The following CELF1 variants were observed in gnomAD, a reference collection of about 807,000 sequenced individuals.
The protein encoded by CELF1 is CUGBP Elav-like family member 1.
CELF1 carries 10 observed loss-of-function variants against 61.8 expected under a neutral mutation model. That is an observed-to-expected ratio of 0.16 (90% confidence interval 0.10 to 0.27). The LOEUF (loss-of-function observed/expected upper bound fraction) is 0.27, where lower values mean the gene tolerates loss of function less well. Among genes scored for constraint, CELF1 ranks in the 10% least tolerant of loss-of-function variants. The probability of loss-of-function intolerance (pLI) is 1.00; values close to 1 mark genes in which losing one functional copy is unlikely to be tolerated. For missense variants in CELF1, 380 were observed against 639.1 expected (o/e 0.59, Z 4.37); for synonymous variants, 236 against 225.1 (o/e 1.05, Z -0.43).
Position 47,484,572 on chromosome 11 carries a change from A to C in CELF1, c.392-49T>G, listed in dbSNP as rs2085457801. 3 of 1,555,104 alleles carry C rather than the reference A, an allele frequency of 1.9e-6. No homozygotes were observed. The African/African-American group carries it at 4.2e-5, about 22-fold the overall frequency. ...CTTGAATATTACTACTTAAAGAGGC[A>C]ATGTGGCACAGATTTGGGAGCCAGA... is the stretch of plus-strand genomic sequence containing the variant. On this transcript the variant is annotated intron_variant, in intron 6 of 14. Transcript: ENST00000687097.
intron 2 of CELF1, among the ~76,000 whole-genome samples, chr11:47,564,171 C>CAAAAAAAAAAAAAA (rs779009192): frequency 3.7e-4 from 23 of 62,888 alleles, no homozygotes; most frequent in East Asian, 5.0e-4. Flanking sequence ...ACTAAAAATA[C>CAAAAAAAAAAAAAA]AAAAAAAAAA....
chr11:47,523,131 GACAC>G (rs1037133606), intron 1 of CELF1: 8 of 152,066 alleles, frequency 5.3e-5, no homozygotes, highest in Non-Finnish European at 7.4e-5. Context: ...TTTCAAAATG[GACAC>G]ACTGGAAAAA....
At chr11:47,494,028 A>G (rs1292974842) in intron 3 of CELF1, among the ~76,000 whole-genome samples, 1 of 152,204 alleles carries the variant, frequency 6.6e-6, no homozygotes, top group Admixed American at 6.5e-5. Context: ...TCCCCATTCA[A>G]TGGAGAGTTA....
At chr11:47,488,288 G>A (rs888235442) in intron 4 of CELF1, among the ~76,000 whole-genome samples, 8 of 152,150 alleles carry the variant, frequency 5.3e-5, no homozygotes, top group African/African-American at 1.4e-4. Flanking sequence ...AAGCAGCTCC[G>A]CCTTTCCTCT....
chr11:47,475,317 G>T lies in CELF1; in HGVS notation c.1273+19C>A, dbSNP rs559645704. On this transcript the variant is annotated intron_variant, in intron 13 of 14. Transcript: ENST00000687097. ...AAAACCGCCCCCCATACCTGACCCCGATCTCCCTTTGCACTCACCTTCCTT... is the reference window on the plus strand; with the variant it reads ...AAAACCGCCCCCCATACCTGACCCCTATCTCCCTTTGCACTCACCTTCCTT... 30 of 1,611,672 alleles carry T rather than the reference G, an allele frequency of 1.9e-5. No individual in the cohort carries two copies. Among genetic ancestry groups the T allele is most frequent in the South Asian group, 1.1e-4 (10 of 90,856 alleles).
In CELF1 at chr11:47,489,054, T is replaced by C. The variant is rs370732256; in HGVS notation, c.72-30A>G. On this transcript the variant is annotated intron_variant, in intron 3 of 14. Transcript: ENST00000687097. ...GTGAGATAAAATGAAACTTCTATTA[T>C]GTAATAATGTTGCTTTCCAGAGGAA... The C allele has an allele frequency of 3.6e-5, 53 of 1,461,704 alleles. No individual in the cohort carries two copies. In the African/African-American group the frequency reaches 4.4e-4, roughly 12 times the overall value. 90.5% of individuals were successfully genotyped at this position (1,461,704 alleles called of 1,614,324 possible).
At chr11:47,536,599 T>TA (rs541975327) in intron 1 of CELF1, among the ~76,000 whole-genome samples, 4 of 151,744 alleles carry the variant, frequency 2.6e-5, no homozygotes, top group Admixed American at 2.0e-4. Flanking sequence ...CCGTCACTAC[T>TA]AAAAAAAATA....
intron 13 of CELF1, among the ~76,000 whole-genome samples, chr11:47,473,719 G>A (rs983456046): frequency 6.6e-6 from 1 of 152,194 alleles, no homozygotes; most frequent in African/African-American, 2.4e-5. Context: ...CTAATCTGTG[G>A]TGATGGTTGC....
chr11:47,544,024 GAATATGA>G (rs2096873177), intron 1 of CELF1, among the ~76,000 whole-genome samples: 1 of 152,132 alleles, frequency 6.6e-6, no homozygotes, highest in Non-Finnish European at 1.5e-5. Context: ...TAGAAATAGT[GAATATGA>G]AATCTAGGAA....
intron 7 of CELF1, 115 bp from the exon 8 acceptor site, chr11:47,483,647 T>C (rs1191637528): frequency 1.3e-6 from 1 of 747,948 alleles, no homozygotes; most frequent in Non-Finnish European, 2.3e-6. Flanking sequence ...GTCCCTGTTT[T>C]CAGGGAATCA....
intron 3 of CELF1, among the ~76,000 whole-genome samples, chr11:47,493,513 G>GAAAAA (rs35976407): frequency 5.9e-5 from 5 of 84,924 alleles, no homozygotes; most frequent in African/African-American, 9.1e-5. Flanking sequence ...ATCTCAAAAA[G>GAAAAA]AAAAAAAAAA....
At chr11:47,536,993 G>A (rs2096645489) in intron 1 of CELF1, among the ~76,000 whole-genome samples, 1 of 152,204 alleles carries the variant, frequency 6.6e-6, no homozygotes, top group East Asian at 1.9e-4. Flanking sequence ...CATGACAGGA[G>A]GCAAACTCTT....
chr11:47,482,483 G>A (rs1455946868), intron 9 of CELF1: 10 of 373,994 alleles, frequency 2.7e-5, no homozygotes, highest in Non-Finnish European at 3.8e-5. Flanking sequence ...AAAGCCTCAA[G>A]ATATAACCAG....
intron 1 of CELF1, among the ~76,000 whole-genome samples, chr11:47,520,186 G>A (rs1468133661): frequency 1.3e-5 from 2 of 152,172 alleles, no homozygotes; most frequent in African/African-American, 4.8e-5. Context: ...AAACATGGGA[G>A]AGCATCTATC....
In CELF1 at chr11:47,471,602, CG is replaced by C; in HGVS notation, c.*627del. ...TTTTTGAAAAGAGCAGCAGAAATTCCGGACAAGAATCTGAAAAATAGGTGTC... is the reference window on the plus strand; with the variant it reads ...TTTTTGAAAAGAGCAGCAGAAATTCCGACAAGAATCTGAAAAATAGGTGTC... On this transcript the variant is annotated 3_prime_UTR_variant, in exon 15 of 15. Coordinates refer to ENST00000687097, the MANE Select transcript of CELF1 (RefSeq NM_001376376.1). The C allele has an allele frequency of 6.6e-6, 1 of 152,202 alleles. No homozygotes were observed. Among genetic ancestry groups the C allele is most frequent in the East Asian group, 1.9e-4 (1 of 5,182 alleles). The allele number at this position is 152,202 out of a possible 1,614,324, so 9.4% of individuals were successfully genotyped here. A position where few individuals can be genotyped will look rare whatever the true frequency, so the allele number is the denominator to read the frequency against.
intron 1 of CELF1, among the ~76,000 whole-genome samples, chr11:47,501,836 A>G (rs957800978): frequency 3.9e-5 from 6 of 152,136 alleles, no homozygotes; most frequent in Non-Finnish European, 8.8e-5. Context: ...CCAAAAAAAA[A>G]TCCTTTAAAA....
intron 5 of CELF1, 87 bp downstream of exon 5, chr11:47,487,072 T>C (rs754187632): frequency 1.3e-5 from 14 of 1,049,580 alleles, no homozygotes; most frequent in Non-Finnish European, 1.9e-5. Context: ...TTCCCCAAAA[T>C]GGTTTTCAGT....
intron 3 of CELF1, among the ~76,000 whole-genome samples, chr11:47,496,788 C>A (rs2153528775): frequency 1.3e-5 from 2 of 152,264 alleles, no homozygotes; most frequent in Middle Eastern, 6.8e-3. Flanking sequence ...GAGAAGAGAT[C>A]ATACTAGAAA....
intron 3 of CELF1, among the ~76,000 whole-genome samples, chr11:47,498,831 T>C (rs776304326): frequency 5.9e-5 from 9 of 152,278 alleles, no homozygotes; most frequent in Admixed American, 3.3e-4. Context: ...TTTGGGCAAA[T>C]TGCCAATCAA....
Sources: allele counts gnomAD v4.1 joint callset (sites outside exome capture counted in the v4.1 genomes callset), GRCh38; gene constraint gnomAD v4.1.1; transcripts MANE v1.5; gene names NCBI Gene and HGNC (gene_info 2026-07-23, HGNC 2026-07-21).